EEA1: variants seen among roughly 807,000 people sequenced by gnomAD.
EEA1 encodes the protein early endosome antigen 1.
Under a neutral mutation model 209.2 loss-of-function variants are expected in EEA1, and 111 were observed. The observed-to-expected ratio is 0.53, with a 90% CI of 0.45 to 0.62. The LOEUF is 0.62. Among genes scored for constraint, EEA1 ranks in the 20% least tolerant of loss-of-function variants. EEA1 has a pLI of 0.00. For synonymous variants in EEA1, 536 were observed against 540.6 expected (o/e 0.99, Z 0.12); for missense variants, 1,343 against 1,530.8 (o/e 0.88, Z 2.05).
intron 13 of EEA1, among the ~76,000 whole-genome samples, chr12:92,821,949 A>T (rs1876073008): frequency 6.7e-6 from 1 of 150,208 alleles, no homozygotes; most frequent in South Asian, 2.1e-4. Flanking sequence ...AATGCTCTAA[A>T]CTCATCTCCT....
At chr12:92,868,980 C>T (rs1226021568) in intron 2 of EEA1, among the ~76,000 whole-genome samples, 1 of 149,852 alleles carries the variant, frequency 6.7e-6, no homozygotes, top group Non-Finnish European at 1.5e-5. Flanking sequence ...GGAATGCTAA[C>T]TTGCAATAAA....
At chr12:92,926,456 T>G (rs1274140488) in intron 1 of EEA1, among the ~76,000 whole-genome samples, 1 of 152,238 alleles carries the variant, frequency 6.6e-6, no homozygotes, top group Non-Finnish European at 1.5e-5. Context: ...CAAGTTATAC[T>G]TGTTGGTAAA....
chr12:92,795,011 C>T (rs1874597135), intron 21 of EEA1, among the ~76,000 whole-genome samples: 1 of 152,192 alleles, frequency 6.6e-6, no homozygotes, highest in South Asian at 2.1e-4. Context: ...GATGATGCAA[C>T]TTCCAAAATA....
chr12:92,821,819 A>G (rs556796282), intron 13 of EEA1, among the ~76,000 whole-genome samples: 2 of 150,020 alleles, frequency 1.3e-5, no homozygotes, highest in South Asian at 4.2e-4. Flanking sequence ...ATAAAATTAT[A>G]TATGTATATA....
At chr12:92,912,672 C>T (rs1227313184) in intron 1 of EEA1, among the ~76,000 whole-genome samples, 1 of 152,144 alleles carries the variant, frequency 6.6e-6, no homozygotes, top group Admixed American at 6.6e-5. Flanking sequence ...AATAATGTCA[C>T]TGTACAGAAT....
chr12:92,923,363 A>T (rs1021264264), intron 1 of EEA1, among the ~76,000 whole-genome samples: 2 of 152,010 alleles, frequency 1.3e-5, no homozygotes, highest in South Asian at 2.1e-4. Flanking sequence ...AAAAAAAAAA[A>T]TTTTCTGTGG....
chr12:92,885,686 T>G (rs910173142), intron 2 of EEA1, among the ~76,000 whole-genome samples: 51 of 152,174 alleles, frequency 3.4e-4, no homozygotes, highest in African/African-American at 1.2e-3. Flanking sequence ...TAAGTGGAAG[T>G]GGATCATGAC....
chr12:92,812,904 T>C, intron 16 of EEA1, 76 bp downstream of exon 16: 1 of 992,244 alleles, frequency 1.0e-6, no homozygotes, highest in Non-Finnish European at 1.4e-6. Context: ...AAACTGGGTA[T>C]CATCTTTACA....
In EEA1 at chr12:92,809,032, T is replaced by C. The variant is rs373922081; in HGVS notation, c.2324A>G (p.Glu775Gly). The C allele has an allele frequency of 1.1e-5, 18 of 1,595,042 alleles. No individual in the cohort carries two copies. The highest frequency in any genetic ancestry group is 2.6e-6 in the Non-Finnish European group (3 of 1,171,152). ...TTTAGCTTACATTTCCTTCTCCATT[T>C]CAAGTTGTTTACTCAATTCTGTGGC... ...LRATELSKQL[E>G]MEKEIVSSTR... is the part of the protein sequence containing the mutation. Residue 775 changes from glutamate to glycine, a missense_variant, in exon 18 of 29, where the codon GAA (glutamate) becomes GGA (glycine). By Grantham distance (98) the Glu-to-Gly change is moderately conservative. Around this residue, in one of 3 missense-constraint regions of EEA1, gnomAD observed 1,307 missense variants for 1,465.5 expected, o/e 0.89. Coordinates refer to ENST00000322349, the MANE Select transcript of EEA1 (RefSeq NM_003566.4).
At chr12:92,838,105 TAGA>T (rs1877009192) in intron 10 of EEA1, among the ~76,000 whole-genome samples, 1 of 152,180 alleles carries the variant, frequency 6.6e-6, no homozygotes, top group African/African-American at 2.4e-5. Flanking sequence ...TTAAGATTAG[TAGA>T]AGGTCTTATT....
chr12:92,894,431 T>C (rs7488592), intron 1 of EEA1, among the ~76,000 whole-genome samples: 43,453 of 152,018 alleles, frequency 0.29, 6,644 homozygotes, highest in Non-Finnish European at 0.32. Flanking sequence ...TGAAACAGAC[T>C]AAAAGCTAGG....
rs5800089 is a variant in EEA1 at position 92,834,546 on chromosome 12, T to TAAAAAAA, written c.916-1703_916-1697dup. On this transcript the variant is annotated intron_variant, in intron 10 of 28. Transcript: ENST00000322349. ...GGCAACAAGGGCAAGACCCTGTCAC[T>TAAAAAAA]AAAAAAAAAAAAAAAAAAAAAAAGA... 1.1e-4 allele frequency among the ~76,000 whole-genome samples: 8 copies of TAAAAAAA among 74,430 alleles called. 3 individuals are homozygous for TAAAAAAA. The highest frequency in any genetic ancestry group is 9.5e-5 in the Non-Finnish European group (4 of 41,984). 48.8% of individuals were successfully genotyped at this position (74,430 alleles called of 152,430 possible). A position where few individuals can be genotyped will look rare whatever the true frequency, so the allele number is the denominator to read the frequency against.
At chr12:92,822,650 G>A (rs1364670584) in intron 13 of EEA1, among the ~76,000 whole-genome samples, 1 of 151,818 alleles carries the variant, frequency 6.6e-6, no homozygotes, top group South Asian at 2.1e-4. Context: ...ATCACTTAAG[G>A]GGTGGTGTTT....
chr12:92,819,644 A>G (rs563698164), intron 13 of EEA1, 133 bp from the exon 14 acceptor site: 53 of 562,632 alleles, frequency 9.4e-5, no homozygotes, highest in Non-Finnish European at 1.4e-4. Flanking sequence ...TTACATTTCA[A>G]TATGGTAAAT....
At chr12:92,922,299 C>A (rs1881039503) in intron 1 of EEA1, among the ~76,000 whole-genome samples, 1 of 152,148 alleles carries the variant, frequency 6.6e-6, no homozygotes, top group Non-Finnish European at 1.5e-5. Flanking sequence ...TCACAGCTAC[C>A]CAAACTACTC....
At chr12:92,847,342 T>A (rs187835791) in intron 9 of EEA1, among the ~76,000 whole-genome samples, 2 of 152,296 alleles carry the variant, frequency 1.3e-5, no homozygotes, top group African/African-American at 4.8e-5. Flanking sequence ...AACAGCAACA[T>A]CCATAATAAA....
Position 92,832,566 on chromosome 12 carries a change from T to C in EEA1, c.1200A>G (p.Gln400=), listed in dbSNP as rs774008688. The change falls in exon 11 of 29, where the codon CAA becomes CAG. Residue 400 remains glutamine (Q), a synonymous_variant. Coordinates refer to ENST00000322349, the MANE Select transcript of EEA1 (RefSeq NM_003566.4). ...CATGCTGCTCCTTTTCTTCTCTCTGTTGTTGTAGCTGCTTAAACTCCGCCT... is the reference window on the plus strand; with the variant it reads ...CATGCTGCTCCTTTTCTTCTCTCTGCTGTTGTAGCTGCTTAAACTCCGCCT... ...HLKAEFKQLQ[Q]QREEKEQHGL... 23 of 1,613,948 alleles carry C rather than the reference T, an allele frequency of 1.4e-5. No individual in the cohort carries two copies. The highest frequency in any genetic ancestry group is 1.8e-5 in the Non-Finnish European group (21 of 1,180,000).
At chr12:92,816,496 T>G in intron 14 of EEA1, 96 bp from the exon 15 acceptor site, 2 of 1,123,842 alleles carry the variant, frequency 1.8e-6, no homozygotes. Context: ...TAAAGTGCTT[T>G]ATGATAGTTT....
chr12:92,845,972 T>C (rs1034859684), intron 9 of EEA1, among the ~76,000 whole-genome samples: 1 of 152,212 alleles, frequency 6.6e-6, no homozygotes, highest in African/African-American at 2.4e-5. Context: ...TCTGAAATGT[T>C]ATTGAATTCA....
Sources: allele counts gnomAD v4.1 joint callset (sites outside exome capture counted in the v4.1 genomes callset), GRCh38; gene constraint gnomAD v4.1.1; regional missense constraint gnomAD v4.1.1; transcripts MANE v1.5; gene names NCBI Gene and HGNC (gene_info 2026-07-23, HGNC 2026-07-21).